FRMD4A: variants seen among roughly 807,000 people sequenced by gnomAD.
The protein encoded by FRMD4A is FERM domain containing 4A.
In FRMD4A, 29 loss-of-function variants were observed where a neutral mutation model predicts 129.1. The observed-to-expected ratio is 0.22, with a 90% confidence interval of 0.17 to 0.31. The LOEUF is 0.31. Among genes scored for constraint, FRMD4A ranks in the 10% least tolerant of loss-of-function variants. The pLI, the probability that FRMD4A is intolerant of heterozygous loss-of-function variation, is 1.00. For synonymous variants in FRMD4A, 634 were observed against 571.6 expected (o/e 1.11, Z -1.56); for missense variants, 1,272 against 1,375.8 (o/e 0.92, Z 1.19).
chr10:13,982,329 A>G (rs1284694144), intron 2 of FRMD4A, among the ~76,000 whole-genome samples: 1 of 151,942 alleles, frequency 6.6e-6, no homozygotes, highest in African/African-American at 2.4e-5. Context: ...GCAAAAAATA[A>G]AAAATTAGCT....
chr10:13,731,031 A>G (rs2090290840), intron 12 of FRMD4A, among the ~76,000 whole-genome samples: 1 of 151,792 alleles, frequency 6.6e-6, no homozygotes, highest in South Asian at 2.1e-4. Flanking sequence ...CCCTCTCAAA[A>G]AAAAAAAAAG....
At chr10:13,892,264 C>G (rs2094709130) in intron 2 of FRMD4A, among the ~76,000 whole-genome samples, 1 of 152,184 alleles carries the variant, frequency 6.6e-6, no homozygotes, top group African/African-American at 2.4e-5. Context: ...CCGGAGACAG[C>G]AGCTCCCTTG....
At chr10:13,905,802 G>T (rs1428775010) in intron 2 of FRMD4A, among the ~76,000 whole-genome samples, 1 of 152,166 alleles carries the variant, frequency 6.6e-6, no homozygotes, top group Non-Finnish European at 1.5e-5. Flanking sequence ...AGTGCATTCC[G>T]TTTTTTCCGT....
Position 14,330,670 on chromosome 10 carries a change from G to C in FRMD4A, c.-155C>G. The C allele has an allele frequency of 2.5e-6, 1 of 398,344 alleles. No homozygotes were observed. Among genetic ancestry groups the C allele is most frequent in the Non-Finnish European group, 4.4e-6 (1 of 226,160 alleles). 24.7% of individuals were successfully genotyped at this position (398,344 alleles called of 1,614,324 possible). A position where few individuals can be genotyped will look rare whatever the true frequency, so the allele number is the denominator to read the frequency against. ...TTTTTGCAAAATCAGATATCTGGGA[G>C]TGAGACAGCCGAGTCTGACCATGAG... On this transcript the variant is annotated 5_prime_UTR_variant, in exon 1 of 25. Transcript: ENST00000357447.
chr10:13,669,760 G>C (rs2083365543), intron 17 of FRMD4A, among the ~76,000 whole-genome samples: 1 of 152,200 alleles, frequency 6.6e-6, no homozygotes, highest in South Asian at 2.1e-4. Flanking sequence ...CAGCCAGAGA[G>C]TCAAGTCTTG....
chr10:14,311,763 G>A (rs12777427), intron 2 of FRMD4A, among the ~76,000 whole-genome samples: 141 of 152,098 alleles, frequency 9.3e-4, no homozygotes, highest in Non-Finnish European at 1.5e-3. Flanking sequence ...GGTTCCTGAC[G>A]ACTCCTATGC....
chr10:14,321,180 A>G (rs1303454522), intron 2 of FRMD4A, among the ~76,000 whole-genome samples: 1 of 152,064 alleles, frequency 6.6e-6, no homozygotes, highest in Non-Finnish European at 1.5e-5. Flanking sequence ...AGAGTATGTG[A>G]TGGGTTAAAT....
At position 13,859,914 on chromosome 10, in the gene FRMD4A, GGCTGCAGGACTCTGGACAAGTT is replaced by G. The variant is rs2094270135; in HGVS notation, c.46-1024_46-1003del. On this transcript the variant is annotated intron_variant, in intron 2 of 24. Coordinates refer to ENST00000357447, the MANE Select transcript of FRMD4A (RefSeq NM_018027.5). ...AGTGTTGGTCCTGCTGCTTACAAGG[GGCTGCAGGACTCTGGACAAGTT>G]ACCGTTCGTCTCCATGCCCCTGTCT... 2.0e-5 allele frequency among the ~76,000 whole-genome samples: 3 copies of G among 152,090 alleles called. No individual in the cohort carries two copies. In the South Asian group the frequency reaches 6.2e-4, roughly 31 times the overall value.
In FRMD4A at chr10:13,674,996, G is replaced by A; in HGVS notation, c.1166C>T (p.Ala389Val). ...SSQSAKKDML[A>V]ALKSRQEALE... ...AGCTTCCTGCCTGGACTTCAAGGCA[G>A]CCAGCATGTCCTTCTTGGCCGACTG... Residue 389 changes from alanine to valine, a missense_variant, in exon 16 of 25, where the codon GCT (alanine) becomes GTT (valine). By Grantham distance (64) the Ala-to-Val change is moderately conservative (BLOSUM62 0). Around this residue, in one of 2 missense-constraint regions of FRMD4A, gnomAD observed 300 missense variants for 483.6 expected, o/e 0.62. Transcript: ENST00000357447. The A allele has an allele frequency of 6.2e-7, 1 of 1,613,858 alleles. No individual in the cohort carries two copies. Among genetic ancestry groups the A allele is most frequent in the South Asian group, 1.1e-5 (1 of 91,074 alleles).
At chr10:14,219,533 G>A (rs1843180165) in intron 2 of FRMD4A, among the ~76,000 whole-genome samples, 1 of 152,158 alleles carries the variant, frequency 6.6e-6, no homozygotes, top group Non-Finnish European at 1.5e-5. Flanking sequence ...CTGAGGTCAT[G>A]GTACAAGGTG....
At chr10:14,161,852 C>A (rs1589105187) in intron 2 of FRMD4A, among the ~76,000 whole-genome samples, 1 of 152,022 alleles carries the variant, frequency 6.6e-6, no homozygotes, top group Non-Finnish European at 1.5e-5. Context: ...AGGTGATGGA[C>A]CCCCTAAAAG....
intron 2 of FRMD4A, among the ~76,000 whole-genome samples, chr10:14,185,436 A>C (rs1410534148): frequency 6.6e-6 from 1 of 152,244 alleles, no homozygotes. Flanking sequence ...GCTAGTACAG[A>C]TGAGGATGTC....
At chr10:14,234,824 G>T (rs1042242863) in intron 2 of FRMD4A, among the ~76,000 whole-genome samples, 1 of 152,210 alleles carries the variant, frequency 6.6e-6, no homozygotes, top group Non-Finnish European at 1.5e-5. Flanking sequence ...ACAGCCTCAT[G>T]GTCCCACCTC....
intron 2 of FRMD4A, among the ~76,000 whole-genome samples, chr10:13,949,301 C>CAAAAA (rs34006963): frequency 6.4e-4 from 61 of 95,676 alleles, no homozygotes; most frequent in East Asian, 2.2e-3. Context: ...TTCTAGTGAT[C>CAAAAA]AAAAAAAAAA....
chr10:14,142,805 A>G (rs1839901345), intron 2 of FRMD4A, among the ~76,000 whole-genome samples: 2 of 152,224 alleles, frequency 1.3e-5, no homozygotes, highest in African/African-American at 4.8e-5. Context: ...TTCACATACT[A>G]AAAATGGAAT....
intron 2 of FRMD4A, among the ~76,000 whole-genome samples, chr10:14,053,255 C>T (rs538286383): frequency 5.6e-4 from 86 of 152,242 alleles, no homozygotes; most frequent in Admixed American, 9.8e-4. Flanking sequence ...TAGCATAGAC[C>T]CTTGGCACTG....
At chr10:14,121,838 AC>A (rs1308938553) in intron 2 of FRMD4A, among the ~76,000 whole-genome samples, 4 of 151,922 alleles carry the variant, frequency 2.6e-5, no homozygotes, top group African/African-American at 9.7e-5. Flanking sequence ...CCCACCTACA[AC>A]TCTGAACTCT....
chr10:13,925,179 A>G (rs915442848), intron 2 of FRMD4A, among the ~76,000 whole-genome samples: 3 of 152,014 alleles, frequency 2.0e-5, no homozygotes, highest in Non-Finnish European at 4.4e-5. Context: ...TACTTCTTTC[A>G]AGGAAGAGAT....
At chr10:14,091,748 T>G (rs1409388535) in intron 2 of FRMD4A, among the ~76,000 whole-genome samples, 1 of 152,252 alleles carries the variant, frequency 6.6e-6, no homozygotes, top group Non-Finnish European at 1.5e-5. Flanking sequence ...TTAGTTTTCT[T>G]ACTTGGGTAT....
Sources: gnomAD v4.1 joint callset for allele counts (sites outside exome capture counted in the v4.1 genomes callset) on GRCh38, gnomAD v4.1.1 for gene constraint, gnomAD v4.1.1 regional missense constraint, MANE v1.5 for transcripts, NCBI Gene and HGNC (gene_info 2026-07-23, HGNC 2026-07-21) for gene names.